MYO5B: variants seen among roughly 807,000 people sequenced by gnomAD.
The protein encoded by MYO5B is myosin VB.
Under a neutral mutation model 229.3 loss-of-function variants are expected in MYO5B, and 143 were observed. The observed-to-expected ratio is 0.62, with a 90% CI of 0.54 to 0.72. MYO5B has a LOEUF of 0.72. Ranked by LOEUF, MYO5B falls within the 30% of genes least tolerant of loss-of-function variation. The pLI is 0.00. For missense variants in MYO5B, 2,321 were observed against 2,331.0 expected (o/e 1.00, Z 0.09); for synonymous variants, 918 against 885.2 (o/e 1.04, Z -0.66).
chr18:49,931,031 T>C (rs796368944), intron 16 of MYO5B, among the ~76,000 whole-genome samples: 4 of 152,324 alleles, frequency 2.6e-5, no homozygotes, highest in African/African-American at 9.6e-5. Flanking sequence ...CTAAGATTAC[T>C]GCCCCACTCC....
intron 2 of MYO5B, among the ~76,000 whole-genome samples, chr18:50,048,588 G>C (rs563005310): frequency 6.6e-6 from 1 of 152,092 alleles, no homozygotes; most frequent in African/African-American, 2.4e-5. Flanking sequence ...GCACCCACTC[G>C]ACAAAAGTAA....
At chr18:50,004,678 G>A (rs565832429) in intron 4 of MYO5B, among the ~76,000 whole-genome samples, 3 of 152,256 alleles carry the variant, frequency 2.0e-5, no homozygotes, top group African/African-American at 7.2e-5. Context: ...TGAGGCAGGA[G>A]GATCATGAGA....
intron 1 of MYO5B, among the ~76,000 whole-genome samples, chr18:50,158,317 C>A (rs759312008): frequency 1.3e-5 from 2 of 152,150 alleles, no homozygotes; most frequent in Non-Finnish European, 1.5e-5. Flanking sequence ...CACATGGATG[C>A]TGCCAAGGAC....
chr18:50,072,885 G>A (rs1380911159), intron 1 of MYO5B, among the ~76,000 whole-genome samples: 1 of 152,086 alleles, frequency 6.6e-6, no homozygotes, highest in Non-Finnish European at 1.5e-5. Flanking sequence ...AGAAGCAGGA[G>A]AGCAACCAGG....
chr18:50,040,160 T>G lies in MYO5B; in HGVS notation c.293A>C (p.His98Pro). The change falls in exon 3 of 40, where the codon CAT becomes CCT. Residue 98 changes from histidine (H) to proline (P), a missense_variant. Physicochemically the swap from His to Pro is moderately conservative, Grantham distance 77. Around this residue, in one of 2 missense-constraint regions of MYO5B, gnomAD observed 2,113 missense variants for 2,044.7 expected, o/e 1.03. Transcript: ENST00000285039. ...CCACTTACCACAGTAAGTGTAGATA[T>G]GGTTGGACTCCAGGAAACGGACCTT... ...NLKVRFLESNHIYTYCGIVLV... is the reference protein window; with the variant it reads ...NLKVRFLESNPIYTYCGIVLV... The G allele has an allele frequency of 6.2e-7, 1 of 1,614,100 alleles. No individual in the cohort carries two copies. The highest frequency in any genetic ancestry group is 8.5e-7 in the Non-Finnish European group (1 of 1,180,010).
At chr18:50,058,672 G>A (rs767035776) in intron 1 of MYO5B, among the ~76,000 whole-genome samples, 28 of 152,202 alleles carry the variant, frequency 1.8e-4, no homozygotes, top group Admixed American at 5.9e-4. Context: ...TTAGCCGGGC[G>A]TGGTGGCGGG....
At chr18:50,082,875 C>T (rs1220149086) in intron 1 of MYO5B, among the ~76,000 whole-genome samples, 1 of 152,144 alleles carries the variant, frequency 6.6e-6, no homozygotes, top group African/African-American at 2.4e-5. Context: ...TGGGCTTCTT[C>T]CACCCAAGAA....
chr18:49,845,579 A>T (rs492463), intron 33 of MYO5B, among the ~76,000 whole-genome samples: 81,715 of 152,110 alleles, frequency 0.54, 22,074 homozygotes, highest in Middle Eastern at 0.64. Flanking sequence ...TTCGCCTTTG[A>T]CACACTTCAC....
intron 1 of MYO5B, among the ~76,000 whole-genome samples, chr18:50,080,029 G>A (rs1290261510): frequency 6.6e-6 from 1 of 152,128 alleles, no homozygotes; most frequent in African/African-American, 2.4e-5. Flanking sequence ...TTACAATTTA[G>A]CCACTTTTAA....
In MYO5B at chr18:49,962,322, T is replaced by C. The variant is rs751000651; in HGVS notation, c.1489A>G (p.Ile497Val). 2 of 1,614,222 alleles carry C rather than the reference T, an allele frequency of 1.2e-6. No individual in the cohort carries two copies. The highest frequency in any genetic ancestry group is 1.3e-5 in the African/African-American group (1 of 75,068). Reference protein sequence around the residue: ...LIDFYDNQPCIDLIEAKLGIL... With the variant: ...LIDFYDNQPCVDLIEAKLGIL... ...CCCAGCTTGGCTTCAATGAGGTCGA[T>C]ACAAGGTTGGTTATCATAAAAATCA... The change falls in exon 12 of 40, where the codon ATC becomes GTC. Residue 497 changes from isoleucine to valine, a missense_variant. This residue lies in a region of MYO5B where 2,113 missense variants were observed against 2,044.7 expected (regional missense o/e 1.03). Coordinates refer to ENST00000285039, the MANE Select transcript of MYO5B (RefSeq NM_001080467.3).
At chr18:49,950,844 C>G (rs2025423553) in intron 14 of MYO5B, among the ~76,000 whole-genome samples, 1 of 152,164 alleles carries the variant, frequency 6.6e-6, no homozygotes, top group South Asian at 2.1e-4. Context: ...CACAGCAGGC[C>G]TGCATCTGCT....
intron 2 of MYO5B, among the ~76,000 whole-genome samples, chr18:50,045,515 T>G (rs1042088085): frequency 2.6e-5 from 4 of 152,174 alleles, no homozygotes; most frequent in African/African-American, 7.2e-5. Context: ...TGCCTCGGCC[T>G]CCCAAGTAGC....
rs533994567 is a variant in MYO5B at position 49,914,140 on chromosome 18, G to A, written c.2091-1967C>T. Among the ~76,000 whole-genome samples the A allele has an allele frequency of 7.2e-5, 11 of 152,266 alleles. No individual in the cohort carries two copies. The East Asian group carries it at 7.7e-4, about 11-fold the overall frequency. ...CTGGTTAACACTTAAGCCATCCACC[G>A]ACGGCAGAGCTAAAACCACACTGTG... On this transcript the variant is annotated intron_variant, in intron 17 of 39. Coordinates refer to ENST00000285039, the MANE Select transcript of MYO5B (RefSeq NM_001080467.3).
At chr18:49,836,978 C>T in intron 37 of MYO5B, 93 bp from the exon 38 acceptor site, 1 of 1,203,520 alleles carries the variant, frequency 8.3e-7, no homozygotes, top group Non-Finnish European at 1.2e-6. Flanking sequence ...CCCGCTGCAG[C>T]TAGTGCCATT....
Position 49,894,973 on chromosome 18 carries a change from C to T in MYO5B, c.3013G>A (p.Ala1005Thr), listed in dbSNP as rs539183320. ...AHSERKILED[A>T]HSREKDELRK... ...AGCTCATCTTTCTCCCTGCTGTGGG[C>T]GTCCTCCAAGATCTTGCGCTCCGAG... The change falls in exon 22 of 40, where the codon GCC becomes ACC. Residue 1005 changes from alanine to threonine, a missense_variant. Ala to Thr is a moderately conservative substitution (Grantham distance 58). Coordinates refer to ENST00000285039, the MANE Select transcript of MYO5B (RefSeq NM_001080467.3). 5.1e-5 allele frequency: 83 copies of T among 1,613,432 alleles called. No individual in the cohort carries two copies. The highest frequency in any genetic ancestry group is 8.9e-5 in the East Asian group (4 of 44,878).
intron 29 of MYO5B, among the ~76,000 whole-genome samples, chr18:49,859,125 T>A (rs2024297903): frequency 6.6e-6 from 1 of 152,170 alleles, no homozygotes; most frequent in Non-Finnish European, 1.5e-5. Context: ...CTGGAGAACC[T>A]AGCATTGGGG....
intron 12 of MYO5B, among the ~76,000 whole-genome samples, chr18:49,959,229 A>G (rs1213964149): frequency 2.0e-5 from 3 of 152,190 alleles, no homozygotes; most frequent in Non-Finnish European, 4.4e-5. Flanking sequence ...GTGTCATCAA[A>G]GATGACACTT....
intron 1 of MYO5B, among the ~76,000 whole-genome samples, chr18:50,193,959 G>A (rs1455936681): frequency 2.0e-5 from 3 of 152,128 alleles, no homozygotes; most frequent in African/African-American, 7.2e-5. Flanking sequence ...TCCCGATTCG[G>A]AGCACCCAGC....
Position 50,040,210 on chromosome 18 carries a change from A to G in MYO5B, c.243T>C (p.His81=), listed in dbSNP as rs1181078951. Residue 81 remains histidine, a synonymous_variant, in exon 3 of 40, where the codon CAT becomes CAC. Transcript: ENST00000285039. ...ENDLTALSYL[H]EPAVLHNLKV... ...TCAAATTATGCAAAACTGCAGGCTC[A>G]TGAAGATAGCTAAGGGCAGTCAGGT... 1 of 1,614,150 alleles carries G rather than the reference A, an allele frequency of 6.2e-7. No individual in the cohort carries two copies. The highest frequency in any genetic ancestry group is 8.5e-7 in the Non-Finnish European group (1 of 1,180,002).
Sources: allele counts gnomAD v4.1 joint callset (sites outside exome capture counted in the v4.1 genomes callset), GRCh38; gene constraint gnomAD v4.1.1; regional missense constraint gnomAD v4.1.1; transcripts MANE v1.5; gene names NCBI Gene and HGNC (gene_info 2026-07-23, HGNC 2026-07-21).